Variants in TCERG1 observed in about 807,000 individuals in gnomAD.
TCERG1 encodes the protein transcription elongation regulator 1.
A neutral mutation model predicts 144.7 loss-of-function variants in TCERG1; 37 were observed. The ratio of observed to expected loss-of-function variants is 0.26; its 90% confidence interval spans 0.20 to 0.34. The LOEUF (loss-of-function observed/expected upper bound fraction) is 0.34, where lower values mean the gene tolerates loss of function less well. Ranked by LOEUF, TCERG1 falls within the 10% of genes least tolerant of loss-of-function variation. The pLI, the probability that TCERG1 is intolerant of heterozygous loss-of-function variation, is 1.00. For missense variants in TCERG1, 1,027 were observed against 1,380.7 expected (o/e 0.74, Z 4.06); for synonymous variants, 492 against 458.2 (o/e 1.07, Z -0.94).
At chr5:146,480,472 A>G (rs1765247256) in intron 12 of TCERG1, 1 of 163,198 alleles carries the variant, frequency 6.1e-6, no homozygotes, top group Non-Finnish European at 1.3e-5. Flanking sequence ...TGGTTATCTT[A>G]CGACTTACCT....
At position 146,507,806 on chromosome 5, in the gene TCERG1, T is replaced by G; in HGVS notation, c.2962-67T>G. ...CAGTGTGTAATATTATGTACCTATG[T>G]GCTGCAGTTTGACTCCCTAAGTAAA... On this transcript the variant is annotated intron_variant, in intron 20 of 22. Coordinates refer to ENST00000679501, the MANE Select transcript of TCERG1 (RefSeq NM_001382548.1). This position sits in a 1 kb window ranked among gnomAD's most constrained non-coding sequence, Gnocchi z 4.6. The G allele has an allele frequency of 3.9e-6, 4 of 1,030,688 alleles. No homozygotes were observed. The highest frequency in any genetic ancestry group is 5.9e-6 in the Non-Finnish European group (4 of 683,576). The allele number at this position is 1,030,688 out of a possible 1,614,324, so 63.8% of individuals were successfully genotyped here. A position where few individuals can be genotyped will look rare whatever the true frequency, so the allele number is the denominator to read the frequency against.
chr5:146,490,819 T>G (rs940386529), intron 15 of TCERG1, among the ~76,000 whole-genome samples: 2 of 152,166 alleles, frequency 1.3e-5, no homozygotes, highest in African/African-American at 4.8e-5. Context: ...CTCTTTCCTG[T>G]TAATTACCTT....
intron 6 of TCERG1, among the ~76,000 whole-genome samples, 171 bp from the exon 7 acceptor site, chr5:146,469,373 A>C (rs1234939858): frequency 6.6e-6 from 1 of 152,212 alleles, no homozygotes; most frequent in Non-Finnish European, 1.5e-5. Context: ...AAATCCAGGG[A>C]AATAGAATTA....
In TCERG1 at chr5:146,482,597, A is replaced by T. The variant is rs1380846127; in HGVS notation, c.1943A>T (p.Asp648Val). The T allele has an allele frequency of 1.9e-6, 3 of 1,609,708 alleles. No individual in the cohort carries two copies. The highest frequency in any genetic ancestry group is 1.7e-6 in the Non-Finnish European group (2 of 1,177,946). The change falls in exon 14 of 23, where the codon GAC (aspartate) becomes GTC (valine). Residue 648 changes from aspartate (D) to valine (V), a missense_variant. Coordinates refer to ENST00000679501, the MANE Select transcript of TCERG1 (RefSeq NM_001382548.1). ...WIARASLFRR[D>V]DNKDIDSEKE... ...TTATATTTTATTTTTTATAGGAGAG[A>T]CGATAATAAAGACATTGACTCAGAG... is the stretch of plus-strand genomic sequence containing the variant.
At chr5:146,455,690 C>A (rs1014786205) in intron 2 of TCERG1, among the ~76,000 whole-genome samples, 7 of 152,172 alleles carry the variant, frequency 4.6e-5, no homozygotes, top group African/African-American at 1.7e-4. Context: ...AGTAAGTCTT[C>A]CTCCTGGAAA....
At chr5:146,477,023 C>G (rs1184701073) in intron 9 of TCERG1, among the ~76,000 whole-genome samples, 1 of 152,164 alleles carries the variant, frequency 6.6e-6, no homozygotes, top group African/African-American at 2.4e-5. Context: ...CTCAGCATCT[C>G]AAAGTGCAGG....
chr5:146,458,155 G>GTTATT (rs576690412), intron 3 of TCERG1, among the ~76,000 whole-genome samples: 22 of 151,660 alleles, frequency 1.5e-4, no homozygotes, highest in African/African-American at 3.4e-4. Context: ...CTGGCCCTAA[G>GTTATT]TTATTTTATT....
intron 19 of TCERG1, among the ~76,000 whole-genome samples, chr5:146,504,872 C>T (rs1006246364): frequency 3.3e-5 from 5 of 152,048 alleles, no homozygotes; most frequent in African/African-American, 1.2e-4. Flanking sequence ...CATGGCGAAA[C>T]CCCGTCTCTA....
At chr5:146,453,823 C>G (rs1762563820) in intron 1 of TCERG1, among the ~76,000 whole-genome samples, 1 of 151,482 alleles carries the variant, frequency 6.6e-6, no homozygotes, top group Non-Finnish European at 1.5e-5. Context: ...CTTTTTTAAT[C>G]TGGAGCATTT....
At chr5:146,485,483 G>A (rs974503614) in intron 15 of TCERG1, among the ~76,000 whole-genome samples, 6 of 152,170 alleles carry the variant, frequency 3.9e-5, no homozygotes, top group South Asian at 2.1e-4. Context: ...CTTTTATGAC[G>A]TATTCCTCCT....
intron 5 of TCERG1, among the ~76,000 whole-genome samples, chr5:146,464,309 C>T (rs1763588279): frequency 6.6e-6 from 1 of 152,144 alleles, no homozygotes; most frequent in African/African-American, 2.4e-5. Flanking sequence ...AGCCTGTGCC[C>T]TCCACATCCA....
intron 2 of TCERG1, 122 bp from the exon 3 acceptor site, chr5:146,457,061 A>T (rs756901165): frequency 2.2e-5 from 28 of 1,280,000 alleles, no homozygotes; most frequent in Non-Finnish European, 2.9e-5. Context: ...ATGACAGGTG[A>T]ATGTGTTTGA....
intron 3 of TCERG1, 151 bp from the exon 4 acceptor site, chr5:146,458,733 C>A (rs1376133973): frequency 1.8e-5 from 21 of 1,144,180 alleles, no homozygotes; most frequent in Non-Finnish European, 2.4e-5. Flanking sequence ...CCTGCCTCTG[C>A]CTCCCAAAGT....
At chr5:146,471,920 A>G (rs1274107941) in intron 9 of TCERG1, among the ~76,000 whole-genome samples, 3 of 152,184 alleles carry the variant, frequency 2.0e-5, no homozygotes, top group South Asian at 2.1e-4. Flanking sequence ...TTTAAAAATC[A>G]TACTTGATTG....
intron 22 of TCERG1, chr5:146,509,929 G>T (rs748154377): frequency 2.2e-5 from 12 of 547,778 alleles, no homozygotes; most frequent in Admixed American, 7.3e-5. Context: ...GTATGTGCAC[G>T]GGAGGCTAGA....
chr5:146,448,309 C>T (rs1208657959), intron 1 of TCERG1, among the ~76,000 whole-genome samples: 2 of 151,960 alleles, frequency 1.3e-5, no homozygotes, highest in African/African-American at 4.8e-5. Context: ...CATGCCATTT[C>T]CTTGAACAGT....
At chr5:146,508,451 T>G (rs2150937754) in intron 21 of TCERG1, among the ~76,000 whole-genome samples, 1 of 152,328 alleles carries the variant, frequency 6.6e-6, no homozygotes, top group African/African-American at 2.4e-5. Context: ...CTTTCCTGGT[T>G]GGTTTCTGTA....
rs1452133143 is a variant in TCERG1 at position 146,447,418 on chromosome 5, G to A, written c.59+10G>A. 6.2e-7 allele frequency: 1 copy of A among 1,610,146 alleles called. No individual in the cohort carries two copies. The highest frequency in any genetic ancestry group is 1.3e-5 in the African/African-American group (1 of 74,830). On this transcript the variant is annotated intron_variant, in intron 1 of 22. Transcript: ENST00000679501. ...ACCCGGGGGAGCTCAGGTAAGGAAC[G>A]CTGCCCTCCTTCACATCTCTGCTCA...
chr5:146,489,128 G>A (rs79842494), intron 15 of TCERG1, among the ~76,000 whole-genome samples: 3,450 of 152,260 alleles, frequency 0.023, 130 homozygotes, highest in African/African-American at 0.078. Flanking sequence ...AAGTCCTGGC[G>A]TTGTGTAGCC....
Sources: gnomAD v4.1 joint callset for allele counts (sites outside exome capture counted in the v4.1 genomes callset) on GRCh38, gnomAD v4.1.1 for gene constraint, Gnocchi (gnomAD v3.1) non-coding constraint, MANE v1.5 for transcripts, NCBI Gene and HGNC (gene_info 2026-07-23, HGNC 2026-07-21) for gene names.